Variants in TRDN observed in about 807,000 individuals in gnomAD.
The protein encoded by TRDN is triadin in skeletal muscle.
TRDN carries 161 observed loss-of-function variants against 149.7 expected under a neutral mutation model. That is an observed-to-expected ratio of 1.08 (90% CI 0.95 to 1.23). TRDN has a LOEUF of 1.23. TRDN is among the 50% of genes most tolerant of loss of function. The pLI is 0.00. For synonymous variants in TRDN, 294 were observed against 250.5 expected (o/e 1.17, Z -1.64); for missense variants, 896 against 823.5 (o/e 1.09, Z -1.08).
intron 16 of TRDN, among the ~76,000 whole-genome samples, chr6:123,380,218 T>G (rs975323652): frequency 6.6e-6 from 1 of 152,214 alleles, no homozygotes; most frequent in Admixed American, 6.5e-5. Context: ...TGAAAAGGCA[T>G]GTTTATTTAT....
chr6:123,249,835 T>G (rs1190111229), intron 38 of TRDN, among the ~76,000 whole-genome samples: 1 of 151,718 alleles, frequency 6.6e-6, no homozygotes, highest in South Asian at 2.1e-4. Context: ...AAGAAATAAA[T>G]AGAATGTCCC....
At position 123,485,808 on chromosome 6, in the gene TRDN, G is replaced by C. The variant is rs1045275897; in HGVS notation, c.853+11385C>G. Among the ~76,000 whole-genome samples the C allele has an allele frequency of 1.6e-4, 24 of 152,186 alleles. 1 individual carries two copies. Among genetic ancestry groups the C allele is most frequent in the African/African-American group, 5.1e-4 (21 of 41,558 alleles). The stretch of plus-strand genomic sequence containing the variant: ...TTAAGTAACTTGCCCATGTTCATTT[G>C]AAGTTTTTCTTATATAATTAATTCT... On this transcript the variant is annotated intron_variant, in intron 9 of 40. Transcript: ENST00000334268.
At chr6:123,619,431 T>C (rs749207580) in intron 1 of TRDN, among the ~76,000 whole-genome samples, 11 of 152,168 alleles carry the variant, frequency 7.2e-5, no homozygotes, top group Non-Finnish European at 1.3e-4. Context: ...TCTTTCATTA[T>C]GGGCCTGCCT....
At chr6:123,269,128 C>T (rs1179085790) in intron 31 of TRDN, among the ~76,000 whole-genome samples, 1 of 151,956 alleles carries the variant, frequency 6.6e-6, no homozygotes, top group Non-Finnish European at 1.5e-5. Context: ...ACCAACATCA[C>T]AATTTTGACA....
intron 12 of TRDN, among the ~76,000 whole-genome samples, chr6:123,402,253 T>C (rs879710168): frequency 5.3e-5 from 8 of 152,160 alleles, no homozygotes; most frequent in Non-Finnish European, 7.3e-5. Context: ...ACAGTCTCAG[T>C]CAATCACAAA....
intron 1 of TRDN, among the ~76,000 whole-genome samples, chr6:123,618,674 C>A (rs1163183619): frequency 6.6e-6 from 1 of 152,154 alleles, no homozygotes; most frequent in African/African-American, 2.4e-5. Context: ...TTTGTTTAGG[C>A]CTGCTCAGTG....
chr6:123,279,152 T>A, intron 24 of TRDN, 70 bp from the exon 25 acceptor site: 1 of 1,193,384 alleles, frequency 8.4e-7, no homozygotes, highest in Non-Finnish European at 1.2e-6. Context: ...TTATTGAATA[T>A]GATATAATAT....
chr6:123,333,688 G>A (rs1045583320), intron 22 of TRDN, among the ~76,000 whole-genome samples: 3 of 152,004 alleles, frequency 2.0e-5, no homozygotes, highest in African/African-American at 7.2e-5. Context: ...TGACAAAAAA[G>A]TGAAGAGATT....
chr6:123,224,675 A>G (rs149282956), intron 38 of TRDN, among the ~76,000 whole-genome samples: 103 of 151,908 alleles, frequency 6.8e-4, no homozygotes, highest in Admixed American at 4.6e-3. Flanking sequence ...AGTCTCTTCA[A>G]TATATACTGT....
intron 21 of TRDN, among the ~76,000 whole-genome samples, chr6:123,341,577 A>C (rs1455496350): frequency 6.6e-6 from 1 of 151,904 alleles, no homozygotes; most frequent in Non-Finnish European, 1.5e-5. Flanking sequence ...TAAAAAGCAT[A>C]ATATAAAATT....
chr6:123,278,244 C>G (rs1777446803), intron 26 of TRDN, 74 bp downstream of exon 26: 1 of 1,022,036 alleles, frequency 9.8e-7, no homozygotes, highest in Non-Finnish European at 1.3e-6. Context: ...TAGGACATGA[C>G]ATTTGCAAAG....
intron 12 of TRDN, among the ~76,000 whole-genome samples, chr6:123,433,488 G>A (rs1418809224): frequency 2.0e-5 from 3 of 151,794 alleles, no homozygotes; most frequent in Non-Finnish European, 2.9e-5. Flanking sequence ...ACAAAGCTTG[G>A]CATATAGTAG....
intron 1 of TRDN, among the ~76,000 whole-genome samples, chr6:123,599,773 T>G (rs1305064006): frequency 1.3e-5 from 2 of 151,970 alleles, no homozygotes; most frequent in Non-Finnish European, 2.9e-5. Context: ...GCAGCTGAAT[T>G]GTTACACAAA....
At chr6:123,596,357 C>T (rs1370908483) in intron 1 of TRDN, among the ~76,000 whole-genome samples, 2 of 152,008 alleles carry the variant, frequency 1.3e-5, no homozygotes, top group Non-Finnish European at 2.9e-5. Context: ...TGAAATAAGC[C>T]ATCTCCATAA....
rs1176771646 is a variant in TRDN at position 123,548,664 on chromosome 6, ATAACT to A, written c.233-57_233-53del. On this transcript the variant is annotated intron_variant, in intron 2 of 40. Transcript: ENST00000334268. ...AGAAAAAGTTTGTGATCATTTCCAA[ATAACT>A]TAAGAAAAGCTGTTTTTACTGATTT... 4.7e-6 allele frequency: 6 copies of A among 1,289,416 alleles called. No homozygotes were observed. In the South Asian group the frequency reaches 1.0e-4, roughly 22 times the overall value. 79.9% of individuals were successfully genotyped at this position (1,289,416 alleles called of 1,614,324 possible). A position where few individuals can be genotyped will look rare whatever the true frequency, so the allele number is the denominator to read the frequency against.
intron 8 of TRDN, chr6:123,502,613 C>T: frequency 1.0e-6 from 1 of 984,654 alleles, no homozygotes; most frequent in Non-Finnish European, 1.2e-6. Context: ...AGTACGAGTG[C>T]ATTGCAAATT....
chr6:123,555,562 T>C (rs1281109360), intron 2 of TRDN, among the ~76,000 whole-genome samples: 2 of 152,178 alleles, frequency 1.3e-5, no homozygotes, highest in Non-Finnish European at 2.9e-5. Flanking sequence ...TATATTTGTA[T>C]ATATTGCTTC....
chr6:123,507,932 C>G (rs1779004208), intron 7 of TRDN, among the ~76,000 whole-genome samples: 1 of 151,980 alleles, frequency 6.6e-6, no homozygotes. Context: ...AATTTTCTCT[C>G]TCATTCCATA....
At chr6:123,514,421 T>C (rs1779328086) in intron 6 of TRDN, among the ~76,000 whole-genome samples, 1 of 152,072 alleles carries the variant, frequency 6.6e-6, no homozygotes, top group African/African-American at 2.4e-5. Flanking sequence ...AATTCTTGAA[T>C]GAAGATTCAA....
Sources: allele counts gnomAD v4.1 joint callset (sites outside exome capture counted in the v4.1 genomes callset), GRCh38; gene constraint gnomAD v4.1.1; transcripts MANE v1.5; gene names NCBI Gene and HGNC (gene_info 2026-07-23, HGNC 2026-07-21).